The following RAPSN variants were observed in gnomAD, a reference collection of about 807,000 sequenced individuals.
RAPSN encodes the protein 43 kDa receptor-associated protein of the synapse.
Under a neutral mutation model 45.7 loss-of-function variants are expected in RAPSN, and 33 were observed. That is an observed-to-expected ratio of 0.72 (90% CI 0.55 to 0.97). The LOEUF is 0.97. Among genes scored for constraint, RAPSN ranks in the 50% least tolerant of loss-of-function variants. The probability of loss-of-function intolerance (pLI) is 0.00; values close to 1 mark genes in which losing one functional copy is unlikely to be tolerated. For synonymous variants in RAPSN, 244 were observed against 233.6 expected (o/e 1.04, Z -0.40); for missense variants, 519 against 559.4 (o/e 0.93, Z 0.73).
intron 2 of RAPSN, among the ~76,000 whole-genome samples, chr11:47,446,219 A>G (rs1294692117): frequency 6.6e-6 from 1 of 150,900 alleles, no homozygotes; most frequent in African/African-American, 2.5e-5. Context: ...GAGCCTTGCC[A>G]AATTAAAAAA....
At chr11:47,447,114 C>T (rs1396559178) in intron 2 of RAPSN, among the ~76,000 whole-genome samples, 1 of 152,118 alleles carries the variant, frequency 6.6e-6, no homozygotes, top group Non-Finnish European at 1.5e-5. Context: ...AGGGGCTCGC[C>T]CATTTTTGCC....
In RAPSN at chr11:47,437,815, G is replaced by A. The variant is rs2076324671; in HGVS notation, c.*160C>T. On this transcript the variant is annotated 3_prime_UTR_variant, in exon 8 of 8. Transcript: ENST00000298854. ...TAAAGAGCAAAGTACAAAGAGGCAG[G>A]GAGGGGAGCTGGGCCCAGGGGAGCA... 1.2e-6 allele frequency: 1 copy of A among 833,426 alleles called. No individual in the cohort carries two copies. The highest frequency in any genetic ancestry group is 2.7e-5 in the East Asian group (1 of 37,688). 51.6% of individuals were successfully genotyped at this position (833,426 alleles called of 1,614,324 possible). A position where few individuals can be genotyped will look rare whatever the true frequency, so the allele number is the denominator to read the frequency against.
Position 47,438,897 on chromosome 11 carries a change from C to T in RAPSN, c.1001G>A (p.Ser334Asn), listed in dbSNP as rs2076338329. 1 of 1,563,632 alleles carries T rather than the reference C, an allele frequency of 6.4e-7. No homozygotes were observed. Among genetic ancestry groups the T allele is most frequent in the South Asian group, 1.2e-5 (1 of 84,966 alleles). ...CTGCAGCCCTTTGCTGCGGTAAATG[C>T]TCTCGCTCAGACAGTGCAGCTTGAG... is the stretch of plus-strand genomic sequence containing the variant. ...SQLKLHCLSE[S>N]IYRSKGLQRE... is the part of the protein sequence containing the mutation. The change falls in exon 7 of 8, where the codon AGC becomes AAC. Residue 334 changes from serine (S) to asparagine (N), a missense_variant. Transcript: ENST00000298854.
chr11:47,438,102 C>A, intron 7 of RAPSN, 55 bp from the exon 8 acceptor site: 1 of 1,533,446 alleles, frequency 6.5e-7, no homozygotes, highest in Non-Finnish European at 8.8e-7. Flanking sequence ...TCCCTCCGGG[C>A]CCTCTCTTCC....
chr11:47,446,278 G>A (rs966230156), intron 2 of RAPSN, among the ~76,000 whole-genome samples: 1 of 151,466 alleles, frequency 6.6e-6, no homozygotes, highest in East Asian at 1.9e-4. Context: ...GGTCTTGAGC[G>A]ATCCTCACCC....
chr11:47,439,968 G>T (rs1452024092), intron 6 of RAPSN, among the ~76,000 whole-genome samples: 1 of 152,092 alleles, frequency 6.6e-6, no homozygotes, highest in East Asian at 1.9e-4. Context: ...CAAAATGCAG[G>T]TGTGAGCCAC....
At chr11:47,438,439 C>T (rs2076331535) in intron 7 of RAPSN, 2 of 570,988 alleles carry the variant, frequency 3.5e-6, no homozygotes, top group Non-Finnish European at 6.2e-6. Context: ...TCTCCTGCCT[C>T]AGCCTCCCGA....
chr11:47,448,969 C>T lies in RAPSN; in HGVS notation c.-5G>A, dbSNP rs763258774. The T allele has an allele frequency of 2.5e-6, 4 of 1,614,226 alleles. No homozygotes were observed. Among genetic ancestry groups the T allele is most frequent in the Non-Finnish European group, 3.4e-6 (4 of 1,180,030 alleles). On this transcript the variant is annotated 5_prime_UTR_variant, in exon 1 of 8. Coordinates refer to ENST00000298854, the MANE Select transcript of RAPSN (RefSeq NM_005055.5). ...CTTGGTCTGGTCCTGCCCCATCCTC[C>T]CCAAGCCCTGTGTCCCACGTGGGGT...
At chr11:47,438,233 G>T (rs770136200) in intron 7 of RAPSN, among the ~76,000 whole-genome samples, 186 bp from the exon 8 acceptor site, 1 of 151,992 alleles carries the variant, frequency 6.6e-6, no homozygotes, top group African/African-American at 2.4e-5. Context: ...CTCCTCCTCT[G>T]CCCCAGGGAC....
intron 2 of RAPSN, among the ~76,000 whole-genome samples, chr11:47,444,350 C>A (rs1220239465): frequency 6.6e-6 from 1 of 151,968 alleles, no homozygotes; most frequent in Non-Finnish European, 1.5e-5. Flanking sequence ...TCAGCCTGGG[C>A]AACATTGCAA....
intron 2 of RAPSN, among the ~76,000 whole-genome samples, chr11:47,445,444 A>C (rs1048168353): frequency 6.6e-6 from 1 of 150,562 alleles, no homozygotes; most frequent in African/African-American, 2.4e-5. Context: ...AAAATACAGA[A>C]AATTAGCTGG....
At chr11:47,445,078 A>G (rs936472247) in intron 2 of RAPSN, among the ~76,000 whole-genome samples, 3 of 147,412 alleles carry the variant, frequency 2.0e-5, no homozygotes, top group Non-Finnish European at 3.0e-5. Context: ...ACACACAAAA[A>G]AAATTAGCGG....
At chr11:47,438,068 G>A (rs774049017) in intron 7 of RAPSN, 21 bp from the exon 8 acceptor site, 1 of 1,549,480 alleles carries the variant, frequency 6.5e-7, no homozygotes, top group Non-Finnish European at 8.7e-7. Flanking sequence ...AAAGGGCCCT[G>A]TCCACTCCCC....
In RAPSN at chr11:47,448,011, C is replaced by T; in HGVS notation, c.332G>A (p.Gly111Glu). The T allele has an allele frequency of 1.2e-6, 2 of 1,614,032 alleles. No individual in the cohort carries two copies. The highest frequency in any genetic ancestry group is 1.7e-5 in the Admixed American group (1 of 60,004). ...GGCACCTGCCCTGGTACCAGGCAGCCCAAGGCAGGTCTTGCAGTAGGAGAT... is the reference window on the plus strand; with the variant it reads ...GGCACCTGCCCTGGTACCAGGCAGCTCAAGGCAGGTCTTGCAGTAGGAGAT... ...KTISYCKTCL[G>E]LPGTRAGAQL... The change falls in exon 2 of 8, where the codon GGG becomes GAG. Residue 111 changes from glycine (G) to glutamate (E), a missense_variant. Transcript: ENST00000298854.
At position 47,438,757 on chromosome 11, in the gene RAPSN, GTA is replaced by G; in HGVS notation, c.1139_1140del (p.Leu380ProfsTer96). ...CTGAGGTGGAAGATGTGGGAGCAAGGTAGGGCCTGCAGCCGGCTGTTCTTCTC... is the reference window on the plus strand; with the variant it reads ...CTGAGGTGGAAGATGTGGGAGCAAGGGGGCCTGCAGCCGGCTGTTCTTCTC... ...IGEKNSRLQALPCSHIFHLRC... is the reference protein window; with the variant it reads ...IGEKNSRLQAXPCSHIFHLRC... On this transcript the variant is annotated frameshift_variant, in exon 7 of 8. Transcript: ENST00000298854. LOFTEE classifies it high-confidence loss of function. 6 of 1,564,904 alleles carry G rather than the reference GTA, an allele frequency of 3.8e-6. No homozygotes were observed. Among genetic ancestry groups the G allele is most frequent in the Non-Finnish European group, 5.2e-6 (6 of 1,151,502 alleles).
intron 2 of RAPSN, among the ~76,000 whole-genome samples, chr11:47,443,077 C>A (rs2076378594): frequency 6.6e-6 from 1 of 152,142 alleles, no homozygotes; most frequent in South Asian, 2.1e-4. Flanking sequence ...GGTAGATGCA[C>A]AATAAATATT....
intron 2 of RAPSN, among the ~76,000 whole-genome samples, chr11:47,445,219 G>A (rs1407394484): frequency 6.6e-6 from 1 of 151,620 alleles, no homozygotes; most frequent in Non-Finnish European, 1.5e-5. Flanking sequence ...GACAGAGTAA[G>A]ACTCCGTCTC....
chr11:47,445,615 A>AAAAT (rs2076400382), intron 2 of RAPSN, among the ~76,000 whole-genome samples: 1 of 149,912 alleles, frequency 6.7e-6, no homozygotes, highest in Non-Finnish European at 1.5e-5. Flanking sequence ...AAAAAAAAAA[A>AAAAT]GCCAAAAGAA....
chr11:47,439,554 A>G (rs1387907225), intron 6 of RAPSN, among the ~76,000 whole-genome samples: 1 of 152,156 alleles, frequency 6.6e-6, no homozygotes, highest in Non-Finnish European at 1.5e-5. Context: ...ATTTCTGATC[A>G]GCCTGATACC....
Sources: allele counts gnomAD v4.1 joint callset (sites outside exome capture counted in the v4.1 genomes callset), GRCh38; gene constraint gnomAD v4.1.1; transcripts MANE v1.5; gene names NCBI Gene and HGNC (gene_info 2026-07-23, HGNC 2026-07-21).